SLC25A12: variants seen among roughly 807,000 people sequenced by gnomAD.
The protein encoded by SLC25A12 is solute carrier family 25 member 12.
A neutral mutation model predicts 83.3 loss-of-function variants in SLC25A12; 32 were observed. The observed-to-expected ratio is 0.38, with a 90% CI of 0.29 to 0.52. The LOEUF (loss-of-function observed/expected upper bound fraction) is 0.52. Among genes scored for constraint, SLC25A12 ranks in the 20% least tolerant of loss-of-function variants. The pLI is 0.84. For missense variants in SLC25A12, 611 were observed against 835.6 expected (o/e 0.73, Z 3.31); for synonymous variants, 267 against 291.1 (o/e 0.92, Z 0.84).
intron 1 of SLC25A12, 34 bp downstream of exon 1, chr2:171,894,169 T>G: frequency 6.2e-7 from 1 of 1,603,150 alleles, no homozygotes; most frequent in Non-Finnish European, 8.5e-7. Context: ...ATGTCTCTTA[T>G]GCAATAAAAG....
chr2:171,837,039 T>A, intron 6 of SLC25A12, 82 bp downstream of exon 6: 1 of 1,345,134 alleles, frequency 7.4e-7, no homozygotes, highest in Non-Finnish European at 1.1e-6. Context: ...GAGAGTCATA[T>A]GAGTCCCTGG....
intron 4 of SLC25A12, chr2:171,845,676 G>C (rs1684781476): frequency 3.7e-6 from 1 of 271,156 alleles, no homozygotes; most frequent in African/African-American, 2.3e-5. Context: ...CTTAATAAAA[G>C]CATTACTACT....
chr2:171,819,442 ATATAT>A lies in SLC25A12; in HGVS notation c.931-4245_931-4241del, dbSNP rs1373249506. Among the ~76,000 whole-genome samples the A allele has an allele frequency of 2.2e-4, 18 of 81,392 alleles. 1 individual carries two copies. Among genetic ancestry groups the A allele is most frequent in the African/African-American group, 7.1e-4 (18 of 25,530 alleles). The allele number at this position is 81,392 out of a possible 152,430, so 53.4% of individuals were successfully genotyped here. On this transcript the variant is annotated intron_variant, in intron 9 of 17. Transcript: ENST00000422440. ...TATGTTATATACATAATAATATATA[ATATAT>A]AATACTTATTATATATTATATATAT...
chr2:171,889,204 A>G (rs1046742251), intron 2 of SLC25A12, among the ~76,000 whole-genome samples: 1 of 152,092 alleles, frequency 6.6e-6, no homozygotes, highest in Non-Finnish European at 1.5e-5. Context: ...TCCAAATCCA[A>G]CTTTAACTTA....
chr2:171,834,619 T>C (rs1381119806), intron 7 of SLC25A12, 108 bp downstream of exon 7: 4 of 1,267,682 alleles, frequency 3.2e-6, no homozygotes, highest in African/African-American at 2.9e-5. Flanking sequence ...CATGGTAACA[T>C]ACTTTCTAGA....
chr2:171,802,708 G>A (rs757982507), intron 13 of SLC25A12, among the ~76,000 whole-genome samples: 6 of 152,124 alleles, frequency 3.9e-5, no homozygotes, highest in South Asian at 2.1e-4. Context: ...CCCGGGAAGC[G>A]GAGCTTGCAG....
At chr2:171,850,350 T>G (rs1239672044) in intron 4 of SLC25A12, among the ~76,000 whole-genome samples, 20 of 133,940 alleles carry the variant, frequency 1.5e-4, no homozygotes, top group Non-Finnish European at 2.3e-4. Context: ...TTTTTTTTTT[T>G]TTTTTTTTTT....
chr2:171,885,001 C>G (rs1334929413), intron 2 of SLC25A12, among the ~76,000 whole-genome samples: 2 of 152,008 alleles, frequency 1.3e-5, no homozygotes, highest in East Asian at 3.9e-4. Flanking sequence ...ATCACAAAGT[C>G]AGGAGACTGA....
rs1489371381 is a variant in SLC25A12 at position 171,785,227 on chromosome 2, G to C, written c.*47C>G. 4.5e-6 allele frequency: 7 copies of C among 1,566,104 alleles called. No homozygotes were observed. The highest frequency in any genetic ancestry group is 6.2e-6 in the Non-Finnish European group (7 of 1,136,976). ...ATACATTACAGGGCTGCTCTCCTAG[G>C]CCTCTTTCTTCAAGGCGCCATTTTG... On this transcript the variant is annotated 3_prime_UTR_variant, in exon 18 of 18. Transcript: ENST00000422440.
chr2:171,865,246 T>C (rs1333501343), intron 3 of SLC25A12, among the ~76,000 whole-genome samples: 2 of 152,200 alleles, frequency 1.3e-5, no homozygotes, highest in African/African-American at 2.4e-5. Flanking sequence ...AAATGAGGCT[T>C]TTCCCGTGAA....
chr2:171,829,834 T>C (rs1295815091), intron 8 of SLC25A12, among the ~76,000 whole-genome samples: 1 of 152,182 alleles, frequency 6.6e-6, no homozygotes, highest in Non-Finnish European at 1.5e-5. Flanking sequence ...GACAATTTAT[T>C]TGCCCAAAAC....
At chr2:171,882,361 T>C (rs927163710) in intron 2 of SLC25A12, among the ~76,000 whole-genome samples, 3 of 152,220 alleles carry the variant, frequency 2.0e-5, no homozygotes, top group Non-Finnish European at 4.4e-5. Context: ...TGCCTCCTTC[T>C]AGTACATGGG....
chr2:171,795,520 T>C (rs992150761), intron 13 of SLC25A12, among the ~76,000 whole-genome samples: 76 of 152,348 alleles, frequency 5.0e-4, no homozygotes, highest in African/African-American at 1.7e-3. Flanking sequence ...GTTTAAATAA[T>C]GGTTGCAAAG....
chr2:171,820,428 T>C (rs1035485134), intron 9 of SLC25A12, among the ~76,000 whole-genome samples: 2 of 152,042 alleles, frequency 1.3e-5, no homozygotes. Flanking sequence ...AATTATGTAA[T>C]ATACAGTAAA....
chr2:171,889,204 A>C (rs1046742251), intron 2 of SLC25A12, among the ~76,000 whole-genome samples: 5 of 152,092 alleles, frequency 3.3e-5, no homozygotes, highest in Non-Finnish European at 7.4e-5. Flanking sequence ...TCCAAATCCA[A>C]CTTTAACTTA....
At chr2:171,865,113 A>C (rs906168899) in intron 3 of SLC25A12, among the ~76,000 whole-genome samples, 3 of 152,168 alleles carry the variant, frequency 2.0e-5, no homozygotes, top group African/African-American at 7.2e-5. Context: ...TTTCACTGAT[A>C]TATTAATAAT....
At chr2:171,803,700 C>T (rs944153911) in intron 13 of SLC25A12, among the ~76,000 whole-genome samples, 1 of 152,114 alleles carries the variant, frequency 6.6e-6, no homozygotes, top group Non-Finnish European at 1.5e-5. Context: ...GCAGGAAGAT[C>T]ACTTGAGGCC....
At chr2:171,804,096 C>G (rs1477071774) in intron 13 of SLC25A12, among the ~76,000 whole-genome samples, 1 of 152,064 alleles carries the variant, frequency 6.6e-6, no homozygotes, top group Non-Finnish European at 1.5e-5. Context: ...TGTTTATCAA[C>G]TAATGAATGA....
chr2:171,877,437 C>T (rs568690821), intron 2 of SLC25A12, among the ~76,000 whole-genome samples: 1 of 152,072 alleles, frequency 6.6e-6, no homozygotes, highest in African/African-American at 2.4e-5. Flanking sequence ...GAGGCCGAGG[C>T]GGGTGGATCA....
Sources: gnomAD v4.1 joint callset for allele counts (sites outside exome capture counted in the v4.1 genomes callset) on GRCh38, gnomAD v4.1.1 for gene constraint, MANE v1.5 for transcripts, NCBI Gene and HGNC (gene_info 2026-07-23, HGNC 2026-07-21) for gene names.